FAM222B: variants seen among roughly 807,000 people sequenced by gnomAD.
The protein encoded by FAM222B is family with sequence similarity 222 member B.
FAM222B carries 12 observed loss-of-function variants against 38.0 expected under a neutral mutation model. That is an observed-to-expected ratio of 0.32 (90% CI 0.20 to 0.51). The LOEUF (loss-of-function observed/expected upper bound fraction) is 0.51, where lower values mean the gene tolerates loss of function less well. Among genes scored for constraint, FAM222B ranks in the 20% least tolerant of loss-of-function variants. The probability of loss-of-function intolerance (pLI) is 0.97; values close to 1 mark genes in which losing one functional copy is unlikely to be tolerated. For synonymous variants in FAM222B, 329 were observed against 317.2 expected (o/e 1.04, Z -0.40); for missense variants, 716 against 754.2 (o/e 0.95, Z 0.59).
Position 28,758,709 on chromosome 17 carries a change from G to A in FAM222B, c.1250C>T (p.Ala417Val), listed in dbSNP as rs753217058. The A allele has an allele frequency of 9.1e-5, 145 of 1,595,600 alleles. No individual in the cohort carries two copies. Among genetic ancestry groups the A allele is most frequent in the Non-Finnish European group, 1.1e-4 (125 of 1,169,276 alleles). Residue 417 changes from alanine to valine, a missense_variant, in exon 3 of 3, where the codon GCG (alanine) becomes GTG (valine). Physicochemically the swap from Ala to Val is moderately conservative, Grantham distance 64. Transcript: ENST00000581407. The stretch of plus-strand genomic sequence containing the variant: ...GGGTGGCTTCAGATGGAAGGACTGC[G>A]CCAGGCAGAGTTCCTGCGGGTAGGC... ...APAYPQELCL[A>V]QSFHLKPPLE...
intron 1 of FAM222B, among the ~76,000 whole-genome samples, chr17:28,773,880 T>C (rs1257528995): frequency 3.9e-5 from 6 of 152,158 alleles, no homozygotes; most frequent in Non-Finnish European, 5.9e-5. Context: ...CACAAGCCCC[T>C]TGACCAGTTT....
chr17:28,824,388 C>G (rs576606008), intron 1 of FAM222B, among the ~76,000 whole-genome samples: 2 of 151,900 alleles, frequency 1.3e-5, no homozygotes, highest in East Asian at 3.9e-4. Flanking sequence ...GTCTCTCTAT[C>G]TTGCCGAGGC....
rs374639618 is a variant in FAM222B at position 28,807,259 on chromosome 17, G to A, written c.-41+35423C>T. On this transcript the variant is annotated intron_variant, in intron 1 of 2. Transcript: ENST00000581407. The stretch of plus-strand genomic sequence containing the variant: ...TTGAACTCCCGAACTCAGGTGATCC[G>A]CCTGCCTCAGCTTCCCAAAGTCCTG... 7.9e-5 allele frequency among the ~76,000 whole-genome samples: 12 copies of A among 152,014 alleles called. No homozygotes were observed. In the South Asian group the frequency reaches 1.0e-3, roughly 13 times the overall value.
At chr17:28,844,129 G>A (rs1192239814), upstream of FAM222B, among the ~76,000 whole-genome samples, 1 of 152,138 alleles carries the variant, frequency 6.6e-6, no homozygotes, top group East Asian at 1.9e-4. Flanking sequence ...GGCATAGCCT[G>A]ACAAGAGACT....
rs560440447 is a variant in FAM222B at position 28,792,185 on chromosome 17, G to T, written c.-40-25478C>A. On this transcript the variant is annotated intron_variant, in intron 1 of 2. Coordinates refer to ENST00000581407, the MANE Select transcript of FAM222B (RefSeq NM_001077498.3). ...AAATTAGCTGGGCGTGATGGCAGGC[G>T]CCTGTAGTCCTAGCTACTTAGGAGG... Among the ~76,000 whole-genome samples the T allele has an allele frequency of 3.3e-5, 5 of 151,456 alleles. No individual in the cohort carries two copies. The South Asian group carries it at 8.4e-4, about 25-fold the overall frequency.
chr17:28,827,176 T>A (rs1182385053), intron 1 of FAM222B, among the ~76,000 whole-genome samples: 4 of 151,674 alleles, frequency 2.6e-5, no homozygotes, highest in Admixed American at 6.6e-5. Context: ...GGACAACATA[T>A]TGAAACCCCA....
intron 1 of FAM222B, chr17:28,812,016 T>G (rs1255599883): frequency 2.0e-5 from 3 of 151,988 alleles, no homozygotes; most frequent in African/African-American, 4.8e-5. Context: ...TAAAAAGAGA[T>G]AAGAGTCCTG....
chr17:28,810,317 C>A (rs2037694103), intron 1 of FAM222B, among the ~76,000 whole-genome samples: 1 of 152,092 alleles, frequency 6.6e-6, no homozygotes, highest in African/African-American at 2.4e-5. Context: ...GGTCACTTCC[C>A]CAGCTTCCTA....
intron 1 of FAM222B, among the ~76,000 whole-genome samples, chr17:28,852,809 G>A (rs112902853): frequency 7.2e-5 from 11 of 152,182 alleles, no homozygotes; most frequent in African/African-American, 1.4e-4. Context: ...CTGTAAACTC[G>A]CACTTGGGGA....
chr17:28,832,833 A>G (rs1396711056), intron 1 of FAM222B, among the ~76,000 whole-genome samples: 1 of 152,006 alleles, frequency 6.6e-6, no homozygotes, highest in East Asian at 1.9e-4. Flanking sequence ...CCTTGCAAAC[A>G]AGCTACAAAA....
At chr17:28,805,989 A>G (rs2037479947) in intron 1 of FAM222B, among the ~76,000 whole-genome samples, 1 of 152,034 alleles carries the variant, frequency 6.6e-6, no homozygotes, top group Non-Finnish European at 1.5e-5. Context: ...TAAAAATACA[A>G]AATTAGCTGG....
chr17:28,850,540 C>T lies in FAM222B; in HGVS notation c.-41+4410G>A, dbSNP rs144657783. 1.1e-3 allele frequency among the ~76,000 whole-genome samples: 160 copies of T among 152,202 alleles called. 1 individual carries two copies. Among genetic ancestry groups the T allele is most frequent in the African/African-American group, 3.4e-3 (140 of 41,568 alleles). ...GTCTCGATCTCCTGACCTTGTGATCCGCCCACCTCGGCCTCCCGAAGTGCT... is the reference window on the plus strand; with the variant it reads ...GTCTCGATCTCCTGACCTTGTGATCTGCCCACCTCGGCCTCCCGAAGTGCT... On this transcript the variant is annotated intron_variant, in intron 1 of 2. Coordinates refer to the FAM222B transcript ENST00000577513.
rs1257587906 is a variant in FAM222B, at chr17:28,757,130, G to A, written c.*1140C>T. 1.3e-5 allele frequency: 2 copies of A among 152,636 alleles called. No individual in the cohort carries two copies. The highest frequency in any genetic ancestry group is 2.9e-5 in the Non-Finnish European group (2 of 68,040). 9.5% of individuals were successfully genotyped at this position (152,636 alleles called of 1,614,324 possible). A position where few individuals can be genotyped will look rare whatever the true frequency, so the allele number is the denominator to read the frequency against. On this transcript the variant is annotated 3_prime_UTR_variant, in exon 3 of 3. Coordinates refer to ENST00000581407, the MANE Select transcript of FAM222B (RefSeq NM_001077498.3). ...AGGGCAGGAGGGGCTTGTTTCCAATGTAGGCCCAGCTCCAGGTGTTAGAAC... is the reference window on the plus strand; with the variant it reads ...AGGGCAGGAGGGGCTTGTTTCCAATATAGGCCCAGCTCCAGGTGTTAGAAC...
intron 1 of FAM222B, among the ~76,000 whole-genome samples, chr17:28,778,679 T>G (rs549650987): frequency 3.3e-3 from 367 of 110,190 alleles, no homozygotes; most frequent in East Asian, 8.8e-3. Context: ...AATTTTTTTT[T>G]TGTGTGTGTG....
In FAM222B at chr17:28,759,275, A is replaced by G. The variant is rs368357549; in HGVS notation, c.684T>C (p.His228=). The G allele has an allele frequency of 1.9e-6, 3 of 1,613,170 alleles. No homozygotes were observed. The highest frequency in any genetic ancestry group is 2.7e-5 in the African/African-American group (2 of 74,896). Residue 228 remains histidine, a synonymous_variant, in exon 3 of 3, where the codon CAT becomes CAC. Coordinates refer to ENST00000581407, the MANE Select transcript of FAM222B (RefSeq NM_001077498.3). This position sits in a 1 kb window ranked among gnomAD's most constrained non-coding sequence, Gnocchi z 4.8. ...CTGAGTCTGGCATCTTCCGGCCTCC[A>G]TGCAGCAAGGGATTGTGGGGGTGCT... ...GLQHPHNPLL[H]GGRKMPDSDA...
At chr17:28,833,612 CAAAAAA>C (rs370065990) in intron 1 of FAM222B, among the ~76,000 whole-genome samples, 8 of 73,208 alleles carry the variant, frequency 1.1e-4, no homozygotes, top group Non-Finnish European at 1.6e-4. Context: ...GACTTTGTCT[CAAAAAA>C]AAAAAAAAAA....
Position 28,758,279 on chromosome 17 carries a change from C to G in FAM222B, c.1680G>C (p.Gly560=). The G allele has an allele frequency of 6.3e-7, 1 of 1,583,830 alleles. No homozygotes were observed. The highest frequency in any genetic ancestry group is 8.6e-7 in the Non-Finnish European group (1 of 1,165,318). Residue 560 remains glycine, a synonymous_variant, in exon 3 of 3, where the codon GGG becomes GGC. Coordinates refer to ENST00000581407, the MANE Select transcript of FAM222B (RefSeq NM_001077498.3). ...AGGGCAGCAGGGCTACCTATCTATA[C>G]CCTGGGTGCTGAATATGAAGACTTC... ...ESRSLHIQHP[G]YR
At chr17:28,846,882 T>A (rs986572809), upstream of FAM222B, among the ~76,000 whole-genome samples, 2 of 151,662 alleles carry the variant, frequency 1.3e-5, no homozygotes, top group Non-Finnish European at 2.9e-5. Context: ...AGGCCAGGAG[T>A]TCGTGACCAG....
upstream of FAM222B, among the ~76,000 whole-genome samples, chr17:28,845,743 A>G (rs1207774111): frequency 6.7e-6 from 1 of 149,790 alleles, no homozygotes; most frequent in Non-Finnish European, 1.5e-5. Context: ...AAAATACAAA[A>G]AATTAGCCGG....
Sources: allele counts gnomAD v4.1 joint callset (sites outside exome capture counted in the v4.1 genomes callset), GRCh38; gene constraint gnomAD v4.1.1; non-coding constraint Gnocchi (gnomAD v3.1); transcripts MANE v1.5; gene names NCBI Gene and HGNC (gene_info 2026-07-23, HGNC 2026-07-21).